The following CDH18 variants were observed in gnomAD, a reference collection of about 807,000 sequenced individuals.
CDH18 encodes cadherin-18.
Under a neutral mutation model 67.9 loss-of-function variants are expected in CDH18, and 31 were observed. The observed-to-expected ratio is 0.46, with a 90% CI of 0.34 to 0.62. The LOEUF (loss-of-function observed/expected upper bound fraction) is 0.62. Ranked by LOEUF, CDH18 falls within the 20% of genes least tolerant of loss-of-function variation. The probability of loss-of-function intolerance (pLI) is 0.01; values close to 1 mark genes in which losing one functional copy is unlikely to be tolerated. For synonymous variants in CDH18, 362 were observed against 347.2 expected (o/e 1.04, Z -0.48); for missense variants, 890 against 975.5 (o/e 0.91, Z 1.17).
At chr5:19,726,508 G>A (rs534423778) in intron 4 of CDH18, among the ~76,000 whole-genome samples, 4 of 152,268 alleles carry the variant, frequency 2.6e-5, no homozygotes, top group Admixed American at 2.0e-4. Flanking sequence ...CACATGAATA[G>A]CAGAGCCCAA....
At chr5:19,680,746 A>G (rs1188812004) in intron 5 of CDH18, among the ~76,000 whole-genome samples, 2 of 151,860 alleles carry the variant, frequency 1.3e-5, no homozygotes, top group African/African-American at 4.8e-5. Flanking sequence ...GAATAAAAAA[A>G]TTACAAAGTC....
chr5:20,054,680 C>A (rs1005814105), intron 2 of CDH18, among the ~76,000 whole-genome samples: 1 of 152,180 alleles, frequency 6.6e-6, no homozygotes, highest in African/African-American at 2.4e-5. Context: ...TCCTAACCTA[C>A]CTCTGATCCT....
At chr5:19,510,697 C>T (rs1744969219) in intron 10 of CDH18, among the ~76,000 whole-genome samples, 3 of 151,952 alleles carry the variant, frequency 2.0e-5, no homozygotes, top group South Asian at 4.2e-4. Flanking sequence ...CCCCATAATC[C>T]CCACATTATA....
chr5:19,874,769 T>C (rs1042898277), intron 2 of CDH18, among the ~76,000 whole-genome samples: 1 of 152,248 alleles, frequency 6.6e-6, no homozygotes, highest in African/African-American at 2.4e-5. Flanking sequence ...TAGGAATACT[T>C]ATTTTTGTAA....
intron 2 of CDH18, among the ~76,000 whole-genome samples, chr5:20,031,448 T>C (rs530684651): frequency 1.3e-5 from 2 of 152,134 alleles, no homozygotes; most frequent in South Asian, 4.1e-4. Context: ...AATTCTCCAG[T>C]GACCTCATGC....
intron 2 of CDH18, among the ~76,000 whole-genome samples, chr5:19,933,503 T>A (rs984129549): frequency 1.3e-5 from 2 of 151,568 alleles, no homozygotes; most frequent in Non-Finnish European, 3.0e-5. Context: ...ATTGTCCCAA[T>A]TTTTGCCTTG....
intron 3 of CDH18, among the ~76,000 whole-genome samples, chr5:19,827,701 G>T (rs1469203904): frequency 6.6e-6 from 1 of 152,044 alleles, no homozygotes; most frequent in Admixed American, 6.6e-5. Context: ...TGAGAAAAAA[G>T]ATACACCATA....
chr5:19,838,721 T>C (rs1157458131), intron 3 of CDH18, 38 bp downstream of exon 3: 2 of 1,414,744 alleles, frequency 1.4e-6, no homozygotes, highest in Admixed American at 3.5e-5. Flanking sequence ...CCACAATTTC[T>C]CAGGATAGAA....
Position 20,322,880 on chromosome 5 carries a change from G to T in CDH18, c.-579-67375C>A, listed in dbSNP as rs147801606. Among the ~76,000 whole-genome samples, 15 of 152,172 alleles carry T rather than the reference G, an allele frequency of 9.9e-5. No individual in the cohort carries two copies. The East Asian group carries it at 2.9e-3, about 29-fold the overall frequency. ...AATCAAGAGAATTTGCAAGACTTTTGCCATTAACCAATTCCTTTTGTGAGA... is the reference window on the plus strand; with the variant it reads ...AATCAAGAGAATTTGCAAGACTTTTTCCATTAACCAATTCCTTTTGTGAGA... On this transcript the variant is annotated intron_variant, in intron 1 of 14. Transcript: ENST00000507958.
intron 5 of CDH18, among the ~76,000 whole-genome samples, chr5:19,679,497 C>T (rs566027137): frequency 6.6e-6 from 1 of 151,970 alleles, no homozygotes; most frequent in Admixed American, 6.6e-5. Context: ...CCAAATGAGA[C>T]TAGAGGAAGT....
At chr5:19,746,885 G>A (rs1170668144) in intron 4 of CDH18, 57 bp downstream of exon 4, 2 of 1,422,626 alleles carry the variant, frequency 1.4e-6, no homozygotes, top group East Asian at 2.3e-5. Context: ...TTCTAAAGAT[G>A]ACTTTTTGAT....
At chr5:20,513,640 A>C (rs1184601292) in intron 1 of CDH18, among the ~76,000 whole-genome samples, 3 of 152,210 alleles carry the variant, frequency 2.0e-5, no homozygotes, top group Non-Finnish European at 4.4e-5. Flanking sequence ...CAAAAGTACT[A>C]TAAATGTATT....
chr5:20,168,338 T>C (rs1343177991), intron 2 of CDH18, among the ~76,000 whole-genome samples: 1 of 152,164 alleles, frequency 6.6e-6, no homozygotes, highest in East Asian at 1.9e-4. Flanking sequence ...CACTTTAGTT[T>C]AGCTAATTAC....
At chr5:19,520,211 C>T (rs1210621778) in intron 10 of CDH18, among the ~76,000 whole-genome samples, 1 of 152,072 alleles carries the variant, frequency 6.6e-6, no homozygotes, top group Non-Finnish European at 1.5e-5. Context: ...CATATATACT[C>T]TTCATGTTTC....
chr5:20,513,170 A>G (rs1344217442), intron 1 of CDH18, among the ~76,000 whole-genome samples: 2 of 152,160 alleles, frequency 1.3e-5, no homozygotes, highest in African/African-American at 4.8e-5. Flanking sequence ...TTCCTTTTTC[A>G]GTTATAATAA....
intron 1 of CDH18, among the ~76,000 whole-genome samples, chr5:20,423,538 A>T (rs745614067): frequency 6.6e-6 from 1 of 151,206 alleles, no homozygotes; most frequent in Non-Finnish European, 1.5e-5. Flanking sequence ...TAGCAACAAT[A>T]CTGCAAGTAG....
intron 1 of CDH18, among the ~76,000 whole-genome samples, chr5:20,478,106 G>A (rs891814906): frequency 6.6e-6 from 1 of 152,168 alleles, no homozygotes; most frequent in South Asian, 2.1e-4. Flanking sequence ...TGGTATCTAG[G>A]CAGTTCTCAT....
intron 1 of CDH18, among the ~76,000 whole-genome samples, chr5:20,520,430 C>G (rs186457815): frequency 6.6e-6 from 1 of 151,954 alleles, no homozygotes; most frequent in Admixed American, 6.6e-5. Context: ...GATGTAGAGG[C>G]CAGACTCTTT....
rs1024151867 is a variant in CDH18 at position 19,473,300 on chromosome 5, G to A, written c.2299C>T (p.Leu767Phe). 6.2e-7 allele frequency: 1 copy of A among 1,613,854 alleles called. No homozygotes were observed. The highest frequency in any genetic ancestry group is 8.5e-7 in the Non-Finnish European group (1 of 1,179,866). The change falls in exon 13 of 13, where the codon CTT becomes TTT. Residue 767 changes from leucine (L) to phenylalanine (F), a missense_variant. This residue lies in a region of CDH18 where 656 missense variants were observed against 668.1 expected (regional missense o/e 0.98). Coordinates refer to ENST00000382275, the MANE Select transcript of CDH18 (RefSeq NM_004934.5). ...TTQSDQDYHY[L>F]GDWGPEFKKL... ...TTAAACTCGGGTCCCCAGTCTCCAA[G>A]GTAGTGATAATCCTGGTCTGATTGT... is the stretch of plus-strand genomic sequence containing the variant.
Sources: allele counts gnomAD v4.1 joint callset (sites outside exome capture counted in the v4.1 genomes callset), GRCh38; gene constraint gnomAD v4.1.1; regional missense constraint gnomAD v4.1.1; transcripts MANE v1.5; gene names NCBI Gene and HGNC (gene_info 2026-07-23, HGNC 2026-07-21).